CTNND2: variants seen among roughly 807,000 people sequenced by gnomAD.
CTNND2 encodes the protein catenin delta-2.
Under a neutral mutation model 144.4 loss-of-function variants are expected in CTNND2, and 22 were observed. That is an observed-to-expected ratio of 0.15 (90% CI 0.11 to 0.22). CTNND2 has a LOEUF of 0.22. CTNND2 is among the 10% of genes least tolerant of loss of function. The pLI is 1.00. For missense variants in CTNND2, 1,353 were observed against 1,618.8 expected (o/e 0.84, Z 2.82); for synonymous variants, 751 against 695.6 (o/e 1.08, Z -1.25).
intron 1 of CTNND2, among the ~76,000 whole-genome samples, chr5:11,780,477 A>G (rs1171116864): frequency 6.6e-6 from 1 of 152,072 alleles, no homozygotes; most frequent in Admixed American, 6.5e-5. Flanking sequence ...GCCCACAGCC[A>G]CCTCACATCT....
chr5:11,318,123 A>C (rs1751689182), intron 9 of CTNND2, among the ~76,000 whole-genome samples: 1 of 152,134 alleles, frequency 6.6e-6, no homozygotes, highest in Admixed American at 6.5e-5. Context: ...TGGTAGACTC[A>C]AGGAATCTGA....
chr5:11,583,713 T>C (rs1778612323), intron 2 of CTNND2, among the ~76,000 whole-genome samples: 1 of 152,166 alleles, frequency 6.6e-6, no homozygotes, highest in African/African-American at 2.4e-5. Flanking sequence ...AGAGGTCAGG[T>C]TTATAAATTT....
chr5:11,173,612 T>C (rs1760165747), intron 11 of CTNND2, among the ~76,000 whole-genome samples: 1 of 152,208 alleles, frequency 6.6e-6, no homozygotes, highest in Admixed American at 6.5e-5. Context: ...CAGGTAACTG[T>C]CATAATTGGG....
At chr5:11,878,640 C>T (rs533351232) in intron 1 of CTNND2, among the ~76,000 whole-genome samples, 9 of 152,150 alleles carry the variant, frequency 5.9e-5, no homozygotes, top group Non-Finnish European at 1.0e-4. Flanking sequence ...AGTGTAAGAT[C>T]CACTGACCGT....
intron 15 of CTNND2, among the ~76,000 whole-genome samples, chr5:11,096,206 G>A (rs1178650809): frequency 1.3e-5 from 2 of 151,996 alleles, no homozygotes; most frequent in African/African-American, 2.4e-5. Context: ...TGGGATACAC[G>A]TGCAGAATGT....
intron 3 of CTNND2, among the ~76,000 whole-genome samples, chr5:11,504,283 G>A (rs1027900373): frequency 3.3e-5 from 5 of 152,204 alleles, no homozygotes; most frequent in African/African-American, 1.2e-4. Flanking sequence ...CGCTGCTGCT[G>A]ATGATGATGA....
At chr5:11,623,794 ATATATGTGTGTATG>A (rs1290318094) in intron 2 of CTNND2, among the ~76,000 whole-genome samples, 2 of 69,424 alleles carry the variant, frequency 2.9e-5, no homozygotes, top group African/African-American at 1.4e-4. Flanking sequence ...TCGTAAATAT[ATATATGTGTGTATG>A]TATATATATA....
intron 3 of CTNND2, among the ~76,000 whole-genome samples, chr5:11,494,125 T>C (rs573277062): frequency 1.0e-3 from 153 of 152,274 alleles, no homozygotes; most frequent in African/African-American, 3.4e-3. Flanking sequence ...CTATTTGTGG[T>C]CCTTAAGAAT....
intron 1 of CTNND2, among the ~76,000 whole-genome samples, chr5:11,743,564 G>A (rs77614042): frequency 0.018 from 2,756 of 152,280 alleles, 75 homozygotes; most frequent in African/African-American, 0.063. Context: ...AGGATGGGAA[G>A]CAGCACCTTT....
chr5:11,516,114 A>T lies in CTNND2; in HGVS notation c.287+48830T>A, dbSNP rs574005885. Among the ~76,000 whole-genome samples the T allele has an allele frequency of 3.9e-5, 6 of 152,232 alleles. No individual in the cohort carries two copies. In the South Asian group the frequency reaches 1.2e-3, roughly 32 times the overall value. On this transcript the variant is annotated intron_variant, in intron 3 of 21. Transcript: ENST00000304623. ...GAGCAAAACAGTGTCTCAAAAAAAAATTTACTTAGTTTAAGTGCAATAATT... is the reference window on the plus strand; with the variant it reads ...GAGCAAAACAGTGTCTCAAAAAAAATTTTACTTAGTTTAAGTGCAATAATT...
chr5:11,421,136 A>G (rs1762330256), intron 3 of CTNND2, among the ~76,000 whole-genome samples: 1 of 152,144 alleles, frequency 6.6e-6, no homozygotes, highest in Non-Finnish European at 1.5e-5. Context: ...TCTGATTTCC[A>G]TGCTAAATGA....
chr5:11,060,735 A>G (rs2191016), intron 16 of CTNND2, among the ~76,000 whole-genome samples: 101,774 of 152,040 alleles, frequency 0.67, 34,296 homozygotes, highest in East Asian at 0.87. Flanking sequence ...TAATCTGAAC[A>G]TGTGTGGTCT....
chr5:11,689,018 A>G (rs1296540692), intron 2 of CTNND2, among the ~76,000 whole-genome samples: 1 of 152,214 alleles, frequency 6.6e-6, no homozygotes, highest in Non-Finnish European at 1.5e-5. Flanking sequence ...CAGTATCGAT[A>G]TCAAAGTTAC....
intron 2 of CTNND2, among the ~76,000 whole-genome samples, chr5:11,650,413 A>G (rs139234899): frequency 1.3e-5 from 2 of 152,310 alleles, no homozygotes; most frequent in East Asian, 3.9e-4. Context: ...CAATGCAAGA[A>G]TGGACTAATA....
chr5:11,158,758 T>C (rs1265565304), intron 12 of CTNND2, among the ~76,000 whole-genome samples: 1 of 152,220 alleles, frequency 6.6e-6, no homozygotes, highest in East Asian at 1.9e-4. Flanking sequence ...AAAACAATCC[T>C]GTATGTTTCA....
intron 9 of CTNND2, among the ~76,000 whole-genome samples, chr5:11,328,992 G>A (rs373554118): frequency 1.1e-4 from 17 of 152,186 alleles, no homozygotes; most frequent in African/African-American, 3.9e-4. Context: ...CAGCTTACAT[G>A]TTTCCTGAGG....
chr5:11,762,757 C>T (rs1789344410), intron 1 of CTNND2, among the ~76,000 whole-genome samples: 1 of 152,162 alleles, frequency 6.6e-6, no homozygotes, highest in Non-Finnish European at 1.5e-5. Context: ...ACTGGTCAAA[C>T]CCCAGTACTG....
At chr5:11,086,199 G>A (rs1364069691) in intron 15 of CTNND2, among the ~76,000 whole-genome samples, 1 of 152,156 alleles carries the variant, frequency 6.6e-6, no homozygotes, top group African/African-American at 2.4e-5. Flanking sequence ...ATTAAGGAGA[G>A]GAGGTGGTTG....
At chr5:11,538,798 A>G (rs1429068133) in intron 3 of CTNND2, among the ~76,000 whole-genome samples, 2 of 152,148 alleles carry the variant, frequency 1.3e-5, no homozygotes, top group Non-Finnish European at 2.9e-5. Context: ...TCTGTTTTGT[A>G]GAGCTCTCCA....
Sources: gnomAD v4.1 joint callset for allele counts (sites outside exome capture counted in the v4.1 genomes callset) on GRCh38, gnomAD v4.1.1 for gene constraint, MANE v1.5 for transcripts, NCBI Gene and HGNC (gene_info 2026-07-23, HGNC 2026-07-21) for gene names.